The following CTIF variants were observed in gnomAD, a reference collection of about 807,000 sequenced individuals.
CTIF encodes cap binding complex dependent translation initiation factor.
CTIF carries 21 observed loss-of-function variants against 66.0 expected under a neutral mutation model. The ratio of observed to expected loss-of-function variants is 0.32; its 90% CI spans 0.23 to 0.46. The LOEUF is 0.46. Ranked by LOEUF, CTIF falls within the 20% of genes least tolerant of loss-of-function variation. The probability of loss-of-function intolerance (pLI) is 1.00; values close to 1 mark genes in which losing one functional copy is unlikely to be tolerated. For missense variants in CTIF, 739 were observed against 812.7 expected (o/e 0.91, Z 1.10); for synonymous variants, 345 against 326.4 (o/e 1.06, Z -0.62).
At chr18:48,563,852 T>G (rs2089218173) in intron 1 of CTIF, among the ~76,000 whole-genome samples, 1 of 152,204 alleles carries the variant, frequency 6.6e-6, no homozygotes, top group Non-Finnish European at 1.5e-5. Flanking sequence ...CCCCTGAGAT[T>G]GAGTGGGGTG....
At chr18:48,722,670 G>A (rs546516999) in intron 7 of CTIF, among the ~76,000 whole-genome samples, 5 of 151,238 alleles carry the variant, frequency 3.3e-5, no homozygotes, top group South Asian at 2.1e-4. Flanking sequence ...ACCCATCAGC[G>A]CTCACAGGTG....
intron 10 of CTIF, among the ~76,000 whole-genome samples, chr18:48,847,965 C>T (rs922475184): frequency 6.6e-6 from 1 of 152,202 alleles, no homozygotes; most frequent in African/African-American, 2.4e-5. Context: ...CTGGGCTGTC[C>T]TCCAGGTTTG....
At chr18:48,631,623 C>G (rs2090715452) in intron 2 of CTIF, among the ~76,000 whole-genome samples, 1 of 152,188 alleles carries the variant, frequency 6.6e-6, no homozygotes. Flanking sequence ...CACCTGTACT[C>G]TCATGTTTAT....
intron 7 of CTIF, among the ~76,000 whole-genome samples, chr18:48,712,596 A>G (rs1294717948): frequency 6.6e-6 from 1 of 152,350 alleles, no homozygotes. Flanking sequence ...GTGTTCCTCT[A>G]TAGGGAATAT....
chr18:48,629,228 C>T (rs2090658154), intron 2 of CTIF, among the ~76,000 whole-genome samples: 1 of 152,212 alleles, frequency 6.6e-6, no homozygotes, highest in Non-Finnish European at 1.5e-5. Context: ...TGTGGACCCC[C>T]AAAATCCCCC....
chr18:48,843,483 G>A (rs1225166097), intron 10 of CTIF, among the ~76,000 whole-genome samples: 2 of 151,918 alleles, frequency 1.3e-5, no homozygotes, highest in Non-Finnish European at 2.9e-5. Context: ...TGGGACACTC[G>A]GTAGCCTCTC....
At chr18:48,783,247 C>G (rs1018042923) in intron 9 of CTIF, among the ~76,000 whole-genome samples, 1 of 152,190 alleles carries the variant, frequency 6.6e-6, no homozygotes, top group Non-Finnish European at 1.5e-5. Flanking sequence ...CCAACCACAG[C>G]TGGTCTACAT....
intron 9 of CTIF, among the ~76,000 whole-genome samples, chr18:48,786,418 C>T (rs1746909526): frequency 6.6e-6 from 1 of 152,204 alleles, no homozygotes; most frequent in South Asian, 2.1e-4. Flanking sequence ...ATCCCAGCTC[C>T]ACTACTTATA....
At chr18:48,789,840 A>G (rs988714130) in intron 9 of CTIF, among the ~76,000 whole-genome samples, 5 of 152,230 alleles carry the variant, frequency 3.3e-5, no homozygotes, top group Admixed American at 1.3e-4. Context: ...GGGGAAGACT[A>G]ATAAGAGACC....
At chr18:48,590,532 G>T (rs1175731881) in intron 1 of CTIF, among the ~76,000 whole-genome samples, 1 of 152,252 alleles carries the variant, frequency 6.6e-6, no homozygotes, top group Admixed American at 6.5e-5. Context: ...GCCCAGGGCG[G>T]TGACTTGCCC....
rs542832591 is a variant in CTIF at position 48,830,353 on chromosome 18, G to A, written c.1527+12977G>A. On this transcript the variant is annotated intron_variant, in intron 10 of 11. Transcript: ENST00000256413. ...TAATTTTAGTATTTTTAGTAGAGAC[G>A]GGGTTTCACTATGTTGGCCAGGCTG... Among the ~76,000 whole-genome samples, 11 of 152,164 alleles carry A rather than the reference G, an allele frequency of 7.2e-5. No homozygotes were observed. The South Asian group carries it at 1.7e-3, about 23-fold the overall frequency.
intron 9 of CTIF, among the ~76,000 whole-genome samples, chr18:48,792,111 C>T (rs546883649): frequency 1.3e-5 from 2 of 152,318 alleles, no homozygotes; most frequent in Admixed American, 1.3e-4. Context: ...GAGAAGGAAG[C>T]AGGGCATGTT....
intron 7 of CTIF, among the ~76,000 whole-genome samples, chr18:48,727,091 C>CAG (rs1482202541): frequency 6.6e-6 from 1 of 151,944 alleles, no homozygotes; most frequent in Admixed American, 6.6e-5. Context: ...CACACACACA[C>CAG]ACACACACAC....
chr18:48,641,361 A>G (rs1010414829), intron 3 of CTIF, among the ~76,000 whole-genome samples: 6 of 152,198 alleles, frequency 3.9e-5, no homozygotes, highest in Admixed American at 2.0e-4. Context: ...ACTTCCCTTG[A>G]CGGAAGGACT....
intron 3 of CTIF, among the ~76,000 whole-genome samples, chr18:48,654,285 A>G (rs991071245): frequency 6.9e-4 from 105 of 152,156 alleles, no homozygotes; most frequent in African/African-American, 2.4e-3. Context: ...TACAAGAAAA[A>G]AAACAACCCC....
At chr18:48,680,552 C>T (rs559499238) in intron 6 of CTIF, among the ~76,000 whole-genome samples, 54 of 152,368 alleles carry the variant, frequency 3.5e-4, no homozygotes, top group African/African-American at 1.3e-3. Context: ...CGACGGATGC[C>T]CAGAGGCAGA....
At chr18:48,655,489 C>T (rs886168883) in intron 3 of CTIF, among the ~76,000 whole-genome samples, 3 of 152,188 alleles carry the variant, frequency 2.0e-5, no homozygotes, top group East Asian at 1.9e-4. Context: ...GTATTAGGGT[C>T]GGGCTTGCCT....
At chr18:48,859,270 G>A in intron 11 of CTIF, 74 bp from the exon 12 acceptor site, 1 of 1,291,114 alleles carries the variant, frequency 7.7e-7, no homozygotes, top group South Asian at 1.2e-5. Context: ...TCCTATCCCT[G>A]CCCACCTAAT....
At chr18:48,655,657 G>A (rs1285407425) in intron 3 of CTIF, among the ~76,000 whole-genome samples, 1 of 152,142 alleles carries the variant, frequency 6.6e-6, no homozygotes, top group African/African-American at 2.4e-5. Flanking sequence ...AGGGTGCACT[G>A]TATCAGGGGG....
Sources: gnomAD v4.1 joint callset for allele counts (sites outside exome capture counted in the v4.1 genomes callset) on GRCh38, gnomAD v4.1.1 for gene constraint, MANE v1.5 for transcripts, NCBI Gene and HGNC (gene_info 2026-07-23, HGNC 2026-07-21) for gene names.